Variants in PPP2R1B observed in about 807,000 individuals in gnomAD.
PPP2R1B encodes protein phosphatase 2 scaffold subunit Abeta.
A neutral mutation model predicts 72.7 loss-of-function variants in PPP2R1B; 58 were observed. The observed-to-expected ratio is 0.80, with a 90% confidence interval of 0.65 to 0.99. The LOEUF (loss-of-function observed/expected upper bound fraction) is 0.99. Ranked by LOEUF, PPP2R1B falls within the 50% of genes least tolerant of loss-of-function variation. The pLI is 0.00. For synonymous variants in PPP2R1B, 256 were observed against 264.6 expected (o/e 0.97, Z 0.32); for missense variants, 695 against 733.6 (o/e 0.95, Z 0.61).
At chr11:111,712,430 T>G in the PPP2R1B span, 5 of 1,560,986 alleles carry the variant, frequency 3.2e-6, no homozygotes, top group Admixed American at 9.3e-5. Context: ...GATTTCAGTT[T>G]GGTCCACAAG....
At chr11:111,743,169 C>T (rs1405002111) in intron 12 of PPP2R1B, among the ~76,000 whole-genome samples, 2 of 152,202 alleles carry the variant, frequency 1.3e-5, no homozygotes, top group Non-Finnish European at 1.5e-5. Context: ...GCTGGGATTA[C>T]AGGCATGAGC....
chr11:111,688,587 A>G, the PPP2R1B span, among the ~76,000 whole-genome samples: 1 of 152,374 alleles, frequency 6.6e-6, no homozygotes, highest in African/African-American at 2.4e-5. This position sits in a 1 kb window ranked among gnomAD's most constrained non-coding sequence, Gnocchi z 4.2. Flanking sequence ...AGAATGAGAA[A>G]TAGTTGAGAC....
downstream of PPP2R1B, chr11:111,723,801 T>C (rs1473209531): frequency 2.5e-6 from 4 of 1,613,736 alleles, no homozygotes; most frequent in Non-Finnish European, 3.4e-6. Flanking sequence ...CCCACGCAGC[T>C]ACAGCAGCAG....
the PPP2R1B span, chr11:111,721,084 C>T: frequency 3.1e-6 from 5 of 1,597,710 alleles, no homozygotes; most frequent in Non-Finnish European, 4.3e-6. Context: ...GGGCCCTTCC[C>T]TCAATGGCTC....
Position 111,741,295 on chromosome 11 carries a change from A to AC in PPP2R1B, c.*300_*301insG. ...TGGAACATTATGTGGCTGGTGCCTGATTCCACAGTGAGGATGCAGGAGCCC... is the reference window on the plus strand; with the variant it reads ...TGGAACATTATGTGGCTGGTGCCTGACTTCCACAGTGAGGATGCAGGAGCCC... On this transcript the variant is annotated 3_prime_UTR_variant, in exon 15 of 15. Transcript: ENST00000527614. 2 of 1,195,252 alleles carry AC rather than the reference A, an allele frequency of 1.7e-6. No individual in the cohort carries two copies. Among genetic ancestry groups the AC allele is most frequent in the Non-Finnish European group, 2.1e-6 (2 of 961,750 alleles). 74.0% of individuals were successfully genotyped at this position (1,195,252 alleles called of 1,614,324 possible). A position where few individuals can be genotyped will look rare whatever the true frequency, so the allele number is the denominator to read the frequency against.
rs367950455 is a variant in PPP2R1B, at chr11:111,761,001, C to T, written c.357G>A (p.Lys119=). The T allele has an allele frequency of 4.0e-5, 65 of 1,614,092 alleles. No homozygotes were observed. The highest frequency in any genetic ancestry group is 5.0e-5 in the Non-Finnish European group (59 of 1,180,046). The change falls in exon 4 of 15, where the codon AAG becomes AAA. Residue 119 remains lysine, a synonymous_variant. Coordinates refer to ENST00000527614, the MANE Select transcript of PPP2R1B (RefSeq NM_002716.5). ...AGATCTGTCTCAGGGACTCCACAGC[C>T]TTGTCACGAACAACAGTCTCTTCCA... is the stretch of plus-strand genomic sequence containing the variant. The part of the protein sequence containing the change: ...ATVEETVVRD[K]AVESLRQISQ...
chr11:111,753,363 C>G (rs952888341), intron 9 of PPP2R1B, 80 bp downstream of exon 9: 3 of 1,498,826 alleles, frequency 2.0e-6, no homozygotes, highest in Non-Finnish European at 2.7e-6. Flanking sequence ...TTTGGGGGTT[C>G]TATTTTAATG....
intron 12 of PPP2R1B, 97 bp from the exon 13 acceptor site, chr11:111,742,762 T>G: frequency 8.6e-7 from 1 of 1,156,266 alleles, no homozygotes; most frequent in Non-Finnish European, 1.2e-6. Flanking sequence ...AATTGACCAA[T>G]AGGAAAATAT....
chr11:111,707,806 A>G, the PPP2R1B span, among the ~76,000 whole-genome samples: 1 of 152,212 alleles, frequency 6.6e-6, no homozygotes, highest in Non-Finnish European at 1.5e-5. Flanking sequence ...CAATACAAAG[A>G]TAACGTGAGC....
At chr11:111,732,086 C>T (rs1004679904) in intron 15 of PPP2R1B, among the ~76,000 whole-genome samples, 2 of 152,228 alleles carry the variant, frequency 1.3e-5, no homozygotes, top group Non-Finnish European at 2.9e-5. Flanking sequence ...AACCCAGGGC[C>T]TCTGCCCAGT....
chr11:111,723,844 ACGACAGCCAGGAGC>A, downstream of PPP2R1B: 1 of 1,470,570 alleles, frequency 6.8e-7, no homozygotes, highest in Non-Finnish European at 9.1e-7. Flanking sequence ...CTCCACCACC[ACGACAGCCAGGAGC>A]TGCCCCAGCC....
rs1044474457 is a variant in PPP2R1B at position 111,739,578 on chromosome 11, G to A, written c.*2018C>T. On this transcript the variant is annotated 3_prime_UTR_variant, in exon 15 of 15. Transcript: ENST00000527614. ...CTCTCTCAAACAGTTTTAGGGTAGAGAAGTCAATGCTTAGGGCTCCTCACT... is the reference window on the plus strand; with the variant it reads ...CTCTCTCAAACAGTTTTAGGGTAGAAAAGTCAATGCTTAGGGCTCCTCACT... The A allele has an allele frequency of 6.1e-6, 6 of 985,350 alleles. No individual in the cohort carries two copies. The African/African-American group carries it at 8.7e-5, about 14-fold the overall frequency. 61.0% of individuals were successfully genotyped at this position (985,350 alleles called of 1,614,324 possible).
chr11:111,765,878 C>T, intron 1 of PPP2R1B: 1 of 490,732 alleles, frequency 2.0e-6, no homozygotes, highest in Non-Finnish European at 4.0e-6. Flanking sequence ...CTGCGCCCCT[C>T]AGCCGCTCCA....
At chr11:111,705,197 A>G in the PPP2R1B span, 1 of 1,454,980 alleles carries the variant, frequency 6.9e-7, no homozygotes, top group Non-Finnish European at 9.0e-7. The surrounding 1 kb of genome is among the most constrained non-coding windows in gnomAD (Gnocchi z 4.3). Flanking sequence ...CATGTTTGAT[A>G]CATTTTTCAT....
chr11:111,719,384 G>A, the PPP2R1B span, among the ~76,000 whole-genome samples: 3 of 105,442 alleles, frequency 2.8e-5, no homozygotes, highest in African/African-American at 7.4e-5. Flanking sequence ...TTAGCAATGA[G>A]CCAAGTAGTT....
chr11:111,732,376 C>G (rs1349143361), intron 15 of PPP2R1B, among the ~76,000 whole-genome samples: 1 of 152,178 alleles, frequency 6.6e-6, no homozygotes, highest in Non-Finnish European at 1.5e-5. Context: ...GTTAGGAACC[C>G]CTGACTCAGC....
chr11:111,733,697 A>G (rs1944261948), downstream of PPP2R1B, among the ~76,000 whole-genome samples: 1 of 152,198 alleles, frequency 6.6e-6, no homozygotes, highest in African/African-American at 2.4e-5. Context: ...TAGCTCCCGG[A>G]GCGCACAGCC....
At chr11:111,732,938 G>A (rs987486166), downstream of PPP2R1B, among the ~76,000 whole-genome samples, 1 of 152,208 alleles carries the variant, frequency 6.6e-6, no homozygotes, top group African/African-American at 2.4e-5. Flanking sequence ...GACTTCAAAA[G>A]CTGAGCAGCC....
the PPP2R1B span, chr11:111,704,910 CT>C: frequency 7.2e-4 from 1,004 of 1,398,542 alleles, 3 homozygotes; most frequent in Non-Finnish European, 8.5e-4. Context: ...TTTCTTTCCT[CT>C]TTTTTTTTAG....
Sources: allele counts gnomAD v4.1 joint callset (sites outside exome capture counted in the v4.1 genomes callset), GRCh38; gene constraint gnomAD v4.1.1; non-coding constraint Gnocchi (gnomAD v3.1); transcripts MANE v1.5; gene names NCBI Gene and HGNC (gene_info 2026-07-23, HGNC 2026-07-21).